Variants in RYR2 observed in about 807,000 individuals in gnomAD.
The protein encoded by RYR2 is cardiac muscle ryanodine receptor-calcium release channel.
In RYR2, 227 loss-of-function variants were observed where a neutral mutation model predicts 601.1. The observed-to-expected ratio is 0.38, with a 90% CI of 0.34 to 0.42. RYR2 has a LOEUF of 0.42. Ranked by LOEUF, RYR2 falls within the 10% of genes least tolerant of loss-of-function variation. RYR2 has a pLI of 1.00. For synonymous variants in RYR2, 2,223 were observed against 2,175.1 expected (o/e 1.02, Z -0.61); for missense variants, 4,646 against 6,156.5 (o/e 0.75, Z 8.21).
rs1478809185 is a variant in RYR2, at chr1:237,240,717, A to G, written c.49-29780A>G. 4.8e-5 allele frequency among the ~76,000 whole-genome samples: 7 copies of G among 144,936 alleles called. No individual in the cohort carries two copies. The East Asian group carries it at 1.5e-3, about 31-fold the overall frequency. On this transcript the variant is annotated intron_variant, in intron 1 of 104. Coordinates refer to ENST00000366574, the MANE Select transcript of RYR2 (RefSeq NM_001035.3). ...GTGGGTCAGACATACCATGTAGAGG[A>G]TGCTCACATTGTTTGCTAAATTGGG...
chr1:237,788,166 G>T, intron 92 of RYR2, 31 bp downstream of exon 92: 1 of 1,552,256 alleles, frequency 6.4e-7, no homozygotes, highest in Non-Finnish European at 8.8e-7. Context: ...TATTGTTACT[G>T]ATATAGTGCA....
At chr1:237,288,242 G>T (rs750531787) in intron 2 of RYR2, among the ~76,000 whole-genome samples, 1 of 152,152 alleles carries the variant, frequency 6.6e-6, no homozygotes, top group African/African-American at 2.4e-5. Flanking sequence ...ACTCCATAAG[G>T]GTTCTTTGCT....
intron 58 of RYR2, 70 bp from the exon 59 acceptor site, chr1:237,674,026 A>T: frequency 7.8e-7 from 1 of 1,277,610 alleles, no homozygotes. Context: ...TGGTCCAATT[A>T]TATATCTGTG....
intron 2 of RYR2, among the ~76,000 whole-genome samples, chr1:237,289,868 G>T (rs1266797776): frequency 6.6e-6 from 1 of 152,186 alleles, no homozygotes; most frequent in Non-Finnish European, 1.5e-5. Flanking sequence ...ATAACTTTCT[G>T]ATACTTTGGC....
chr1:237,175,344 G>A (rs1309558235), intron 1 of RYR2, among the ~76,000 whole-genome samples: 9 of 152,030 alleles, frequency 5.9e-5, no homozygotes, highest in Admixed American at 5.9e-4. Context: ...AGCAAAAAAT[G>A]GTTGCTTTGG....
intron 8 of RYR2, among the ~76,000 whole-genome samples, chr1:237,381,193 C>T (rs1319302835): frequency 3.0e-5 from 4 of 135,534 alleles, no homozygotes; most frequent in East Asian, 2.4e-4. Context: ...TGCAATGAGC[C>T]GATATTGTGC....
At chr1:237,821,342 CT>C (rs1470598044) in intron 101 of RYR2, among the ~76,000 whole-genome samples, 1 of 152,154 alleles carries the variant, frequency 6.6e-6, no homozygotes, top group African/African-American at 2.4e-5. Context: ...AGGCAGCAAT[CT>C]TTGCTGTTCT....
In RYR2 at chr1:237,591,903, T is replaced by C. The variant is rs2779430; in HGVS notation, c.4275+50T>C. ...TTATTTCTATCTGTCACTCATTATG[T>C]TTTACATCTCCAGTAATACATACCG... On this transcript the variant is annotated intron_variant, in intron 32 of 104. Transcript: ENST00000366574. The C allele has an allele frequency of 0.46, 605,031 of 1,306,238 alleles. 143,814 individuals carry two copies. Among genetic ancestry groups the C allele is most frequent in the Admixed American group, 0.57 (29,573 of 51,880 alleles). 80.9% of individuals were successfully genotyped at this position (1,306,238 alleles called of 1,614,324 possible). A position where few individuals can be genotyped will look rare whatever the true frequency, so the allele number is the denominator to read the frequency against.
At chr1:237,823,478 C>T (rs7551347) in intron 101 of RYR2, among the ~76,000 whole-genome samples, 39,897 of 151,880 alleles carry the variant, frequency 0.26, 5,693 homozygotes, top group East Asian at 0.61. Context: ...TCTTTGAAAC[C>T]GATGAGAACA....
intron 24 of RYR2, among the ~76,000 whole-genome samples, chr1:237,520,187 T>C (rs1666955706): frequency 6.6e-6 from 1 of 152,216 alleles, no homozygotes; most frequent in South Asian, 2.1e-4. Flanking sequence ...ATTCCATTTA[T>C]CAAATAAGAG....
chr1:237,167,397 C>A (rs1676830518), intron 1 of RYR2, among the ~76,000 whole-genome samples: 1 of 152,128 alleles, frequency 6.6e-6, no homozygotes, highest in Non-Finnish European at 1.5e-5. Flanking sequence ...TCTTAGAGGG[C>A]CAAGAACTAT....
At chr1:237,794,197 T>A (rs1193929745) in intron 95 of RYR2, among the ~76,000 whole-genome samples, 200 bp downstream of exon 95, 3 of 152,178 alleles carry the variant, frequency 2.0e-5, no homozygotes, top group Admixed American at 2.0e-4. Flanking sequence ...GAGTTCTGAA[T>A]TCCTTAATTA....
At chr1:237,519,614 G>T (rs1256717021) in intron 24 of RYR2, among the ~76,000 whole-genome samples, 1 of 151,956 alleles carries the variant, frequency 6.6e-6, no homozygotes, top group African/African-American at 2.4e-5. Context: ...TTTATTTCTG[G>T]GTTCTCTATT....
At chr1:237,091,192 T>C (rs1666909272) in intron 1 of RYR2, among the ~76,000 whole-genome samples, 1 of 152,094 alleles carries the variant, frequency 6.6e-6, no homozygotes, top group African/African-American at 2.4e-5. Context: ...TGCTAACTAC[T>C]GGGGGGTTCT....
At chr1:237,430,763 C>T (rs1230652037) in intron 12 of RYR2, among the ~76,000 whole-genome samples, 1 of 152,102 alleles carries the variant, frequency 6.6e-6, no homozygotes, top group Non-Finnish European at 1.5e-5. Context: ...GACTTAAAAG[C>T]TGTGAATATT....
chr1:237,813,299 C>T (rs1032121830), intron 100 of RYR2, among the ~76,000 whole-genome samples: 1 of 152,186 alleles, frequency 6.6e-6, no homozygotes, highest in Non-Finnish European at 1.5e-5. Context: ...TATCTACCAG[C>T]CTCAGGGCAG....
At chr1:237,345,446 ACT>A (rs1215583622) in intron 3 of RYR2, among the ~76,000 whole-genome samples, 1 of 149,178 alleles carries the variant, frequency 6.7e-6, no homozygotes, top group Non-Finnish European at 1.5e-5. Flanking sequence ...AAAGAGAGAG[ACT>A]CTGCCAAAAA....
At chr1:237,736,104 A>G (rs562000513) in intron 79 of RYR2, among the ~76,000 whole-genome samples, 2 of 152,292 alleles carry the variant, frequency 1.3e-5, no homozygotes, top group African/African-American at 4.8e-5. Flanking sequence ...ATGAATCACC[A>G]AATTGTTTTT....
chr1:237,384,187 C>T (rs1465188825), intron 8 of RYR2, among the ~76,000 whole-genome samples: 1 of 152,180 alleles, frequency 6.6e-6, no homozygotes, highest in African/African-American at 2.4e-5. Context: ...ATATTTGGGA[C>T]CTTTTCCCAC....
Sources: allele counts gnomAD v4.1 joint callset (sites outside exome capture counted in the v4.1 genomes callset), GRCh38; gene constraint gnomAD v4.1.1; transcripts MANE v1.5; gene names NCBI Gene and HGNC (gene_info 2026-07-23, HGNC 2026-07-21).